Variants in CELF6 observed in about 807,000 individuals in gnomAD.
The protein encoded by CELF6 is Bruno -like 6, RNA binding protein.
A neutral mutation model predicts 53.1 loss-of-function variants in CELF6; 32 were observed. That is an observed-to-expected ratio of 0.60 (90% CI 0.46 to 0.81). CELF6 has a LOEUF of 0.81. Among genes scored for constraint, CELF6 ranks in the 30% least tolerant of loss-of-function variants. CELF6 has a pLI of 0.00. For synonymous variants in CELF6, 291 were observed against 288.8 expected (o/e 1.01, Z -0.08); for missense variants, 539 against 669.5 (o/e 0.81, Z 2.15).
intron 2 of CELF6, chr15:72,306,187 C>T: frequency 2.0e-6 from 2 of 979,092 alleles, no homozygotes; most frequent in Middle Eastern, 5.2e-4. Context: ...AATGGGGACG[C>T]AAAAGGTCTT....
At position 72,290,199 on chromosome 15, in the gene CELF6, T is replaced by A. The variant is rs1391684193; in HGVS notation, c.451A>T (p.Arg151Ter). 6.2e-7 allele frequency: 1 copy of A among 1,613,904 alleles called. No homozygotes were observed. The highest frequency in any genetic ancestry group is 8.5e-7 in the Non-Finnish European group (1 of 1,179,946). ...TGGCCAAAGGGCTGGAACAGGCGTCTGACGTCCTCCTCACCCTGCTGCTTG... is the reference window on the plus strand; with the variant it reads ...TGGCCAAAGGGCTGGAACAGGCGTCAGACGTCCTCCTCACCCTGCTGCTTG... ...LGKQQGEEDVRRLFQPFGHIE... is the reference protein window; with the variant it reads ...LGKQQGEEDV Residue 151 changes from arginine to a stop codon, truncating the protein, a stop_gained, in exon 4 of 13, where the codon AGA becomes TGA. Coordinates refer to ENST00000287202, the MANE Select transcript of CELF6 (RefSeq NM_052840.5). LOFTEE classifies it high-confidence loss of function.
At chr15:72,308,455 G>A (rs1175468247) in intron 2 of CELF6, among the ~76,000 whole-genome samples, 2 of 151,938 alleles carry the variant, frequency 1.3e-5, no homozygotes, top group South Asian at 2.1e-4. Flanking sequence ...TTGAACTCCC[G>A]ACCTCAGGTG....
At position 72,289,403 on chromosome 15, in the gene CELF6, C is replaced by G; in HGVS notation, c.852G>C (p.Leu284=). 6.4e-7 allele frequency: 1 copy of G among 1,555,990 alleles called. No individual in the cohort carries two copies. The highest frequency in any genetic ancestry group is 1.3e-5 in the African/African-American group (1 of 74,252). Residue 284 remains leucine (L), a synonymous_variant, in exon 7 of 13, where the codon CTG becomes CTC. Coordinates refer to ENST00000287202, the MANE Select transcript of CELF6 (RefSeq NM_052840.5). The surrounding 1 kb of genome is among the most constrained non-coding windows in gnomAD (Gnocchi z 7.6). ...AQMQHVAAFS[L]VAAPLLPAAA... ...CCGCGGGCAACAGAGGCGCAGCTAC[C>G]AGGCTAAAGGCCGCCACGTGTTGCA... is the stretch of plus-strand genomic sequence containing the variant.
chr15:72,289,466 G>T lies in CELF6; in HGVS notation c.789C>A (p.Gly263=), dbSNP rs2087973288. Residue 263 remains glycine, a synonymous_variant, in exon 7 of 13, where the codon GGC becomes GGA. Coordinates refer to ENST00000287202, the MANE Select transcript of CELF6 (RefSeq NM_052840.5). The surrounding 1 kb of genome is among the most constrained non-coding windows in gnomAD (Gnocchi z 7.6). ...HQAALLAAAQ[G]PGLGPVAAVA... is the part of the protein sequence containing the mutation. ...CTGCCGCCACCGGGCCTAGGCCTGG[G>T]CCCTGTGCCGCCGCCAGCAGGGCCG... 5 of 1,533,612 alleles carry T rather than the reference G, an allele frequency of 3.3e-6. No individual in the cohort carries two copies. Among genetic ancestry groups the T allele is most frequent in the Non-Finnish European group, 3.5e-6 (4 of 1,145,766 alleles).
intron 2 of CELF6, among the ~76,000 whole-genome samples, chr15:72,311,488 C>T (rs539216544): frequency 4.4e-4 from 67 of 151,760 alleles, no homozygotes; most frequent in African/African-American, 1.4e-3. Context: ...CTGCAAGCTC[C>T]GCCTCCCAGG....
chr15:72,318,084 C>T (rs1402111081), intron 1 of CELF6, among the ~76,000 whole-genome samples: 1 of 152,124 alleles, frequency 6.6e-6, no homozygotes, highest in Non-Finnish European at 1.5e-5. Context: ...TTTGTATGTA[C>T]ATCCTGAAAT....
intron 2 of CELF6, among the ~76,000 whole-genome samples, chr15:72,309,876 T>G (rs2088274274): frequency 6.6e-6 from 1 of 152,046 alleles, no homozygotes; most frequent in African/African-American, 2.4e-5. Flanking sequence ...ATTTCCCAGG[T>G]GGAGTCCAGG....
chr15:72,311,913 C>T (rs2088302763), intron 2 of CELF6, among the ~76,000 whole-genome samples: 1 of 152,196 alleles, frequency 6.6e-6, no homozygotes, highest in South Asian at 2.1e-4. Flanking sequence ...TGGATTTTTG[C>T]CCCCATCTGC....
intron 1 of CELF6, among the ~76,000 whole-genome samples, 192 bp from the exon 2 acceptor site, chr15:72,316,119 T>C (rs2140308232): frequency 1.3e-5 from 2 of 152,332 alleles, no homozygotes; most frequent in Middle Eastern, 6.8e-3. Context: ...TCCCAGGCTC[T>C]GGCTCCCTTT....
intron 2 of CELF6, among the ~76,000 whole-genome samples, chr15:72,312,398 G>A (rs1032595591): frequency 7.9e-5 from 12 of 152,240 alleles, no homozygotes; most frequent in South Asian, 2.1e-4. Flanking sequence ...AGGCTGAAGC[G>A]GGCAGATCAC....
intron 2 of CELF6, among the ~76,000 whole-genome samples, chr15:72,306,554 TAA>T (rs397966975): frequency 2.3e-4 from 18 of 79,048 alleles, no homozygotes; most frequent in Non-Finnish European, 4.2e-4. Flanking sequence ...GAGGGCTTAC[TAA>T]AAAAAAAAAA....
At chr15:72,308,618 A>ATTTTGAC (rs983562425) in intron 2 of CELF6, among the ~76,000 whole-genome samples, 1 of 152,184 alleles carries the variant, frequency 6.6e-6, no homozygotes, top group Non-Finnish European at 1.5e-5. Context: ...GCATCAAGGA[A>ATTTTGAC]TTTTGACTTT....
Position 72,288,375 on chromosome 15 carries a change from C to G in CELF6, c.1251G>C (p.Leu417=). The change falls in exon 11 of 13, where the codon CTG becomes CTC. Residue 417 remains leucine (L), a synonymous_variant. Coordinates refer to ENST00000287202, the MANE Select transcript of CELF6 (RefSeq NM_052840.5). This position sits in a 1 kb window ranked among gnomAD's most constrained non-coding sequence, Gnocchi z 4.6. ...TAGCAGAGACAACGGCTCCAAAGGG[C>G]AGGAATGTCTGTATGAGTTCCGCAT... ...FGDAELIQTF[L]PFGAVVSAKV... is the part of the protein sequence containing the mutation. The G allele has an allele frequency of 6.2e-7, 1 of 1,614,168 alleles. No homozygotes were observed. The highest frequency in any genetic ancestry group is 8.5e-7 in the Non-Finnish European group (1 of 1,180,026).
chr15:72,313,757 A>C, intron 2 of CELF6: 1 of 981,546 alleles, frequency 1.0e-6, no homozygotes, highest in Non-Finnish European at 1.2e-6. Flanking sequence ...AGCAGAAGTC[A>C]TTTGCTCCCA....
chr15:72,289,521 GAT>G lies in CELF6; in HGVS notation c.748-16_748-15del, dbSNP rs943978695. On this transcript the variant is annotated splice_polypyrimidine_tract_variant and intron_variant, in intron 6 of 12. Transcript: ENST00000287202. The surrounding 1 kb of genome is among the most constrained non-coding windows in gnomAD (Gnocchi z 7.6). Reference sequence around the variant, plus strand: ...GTGCTGCAGGATCTTTGAGAGGAAAGATGGGCGAGAGTGGAGGGCCAAGGGGC... The same window carrying G: ...GTGCTGCAGGATCTTTGAGAGGAAAGGGGCGAGAGTGGAGGGCCAAGGGGC... 1 of 1,507,894 alleles carries G rather than the reference GAT, an allele frequency of 6.6e-7. No homozygotes were observed. The highest frequency in any genetic ancestry group is 1.4e-5 in the African/African-American group (1 of 71,236). The allele number at this position is 1,507,894 out of a possible 1,614,324, so 93.4% of individuals were successfully genotyped here. A position where few individuals can be genotyped will look rare whatever the true frequency, so the allele number is the denominator to read the frequency against.
intron 2 of CELF6, 78 bp downstream of exon 2, chr15:72,315,767 C>G: frequency 2.1e-6 from 2 of 973,298 alleles, no homozygotes; most frequent in South Asian, 1.6e-5. Context: ...ACCCAGCCCC[C>G]ACATGCTGCT....
At chr15:72,304,192 T>C (rs1009776071) in intron 3 of CELF6, among the ~76,000 whole-genome samples, 1 of 152,162 alleles carries the variant, frequency 6.6e-6, no homozygotes, top group African/African-American at 2.4e-5. Flanking sequence ...CTTAAGGAGC[T>C]CTGTTTTTTC....
Position 72,304,800 on chromosome 15 carries a change from A to G in CELF6, c.346-6T>C. The G allele has an allele frequency of 1.2e-6, 2 of 1,614,096 alleles. No homozygotes were observed. Among genetic ancestry groups the G allele is most frequent in the Non-Finnish European group, 1.7e-6 (2 of 1,179,988 alleles). The stretch of plus-strand genomic sequence containing the variant: ...ACTTGGATCGGACGATTCATCTGAA[A>G]GACATCGGACCAACACACCCATTCA... On this transcript the variant is annotated splice_region_variant and splice_polypyrimidine_tract_variant and intron_variant, in intron 2 of 12. Coordinates refer to ENST00000287202, the MANE Select transcript of CELF6 (RefSeq NM_052840.5).
rs1330050006 is a variant in CELF6 at position 72,285,661 on chromosome 15, G to A, written c.*710C>T. 1 of 152,390 alleles carries A rather than the reference G, an allele frequency of 6.6e-6. No individual in the cohort carries two copies. Among genetic ancestry groups the A allele is most frequent in the Non-Finnish European group, 1.5e-5 (1 of 68,080 alleles). The allele number at this position is 152,390 out of a possible 1,614,324, so 9.4% of individuals were successfully genotyped here. On this transcript the variant is annotated 3_prime_UTR_variant, in exon 13 of 13. Coordinates refer to ENST00000287202, the MANE Select transcript of CELF6 (RefSeq NM_052840.5). ...CCAGGGCCAACCTGAGCTCTGCCTG[G>A]GGCCTCTTCTGGGATGCACTCTGAG...
Sources: gnomAD v4.1 joint callset for allele counts (sites outside exome capture counted in the v4.1 genomes callset) on GRCh38, gnomAD v4.1.1 for gene constraint, Gnocchi (gnomAD v3.1) non-coding constraint, MANE v1.5 for transcripts, NCBI Gene and HGNC (gene_info 2026-07-23, HGNC 2026-07-21) for gene names.